Variants in RSRC1 observed in about 807,000 individuals in gnomAD.
RSRC1 encodes the protein serine/Arginine-related protein 53.
A neutral mutation model predicts 49.1 loss-of-function variants in RSRC1; 39 were observed. The observed-to-expected ratio is 0.79, with a 90% CI of 0.61 to 1.04. The LOEUF is 1.04. Ranked by LOEUF, RSRC1 falls within the 50% of genes least tolerant of loss-of-function variation. The pLI is 0.00. For missense variants in RSRC1, 388 were observed against 402.4 expected (o/e 0.96, Z 0.31); for synonymous variants, 143 against 130.8 (o/e 1.09, Z -0.63).
At chr3:158,386,570 T>G (rs978088764) in intron 6 of RSRC1, among the ~76,000 whole-genome samples, 2 of 152,034 alleles carry the variant, frequency 1.3e-5, no homozygotes, top group Non-Finnish European at 2.9e-5. Context: ...ACCAACACAC[T>G]ATTATTATGA....
chr3:158,267,927 G>C (rs1380534189), intron 4 of RSRC1, among the ~76,000 whole-genome samples: 1 of 140,548 alleles, frequency 7.1e-6, no homozygotes, highest in Non-Finnish European at 1.5e-5. Context: ...ATTCTCCTGG[G>C]GATTATTGTT....
chr3:158,537,066 C>T lies in RSRC1; in HGVS notation c.653-26C>T, dbSNP rs780484269. ...TTATTAACATGCTTACACCAAAATA[C>T]GCTGACATTATACCCTCTTTTTCAG... On this transcript the variant is annotated intron_variant, in intron 7 of 9. Transcript: ENST00000611884. The T allele has an allele frequency of 2.0e-5, 30 of 1,486,910 alleles. 1 individual carries two copies. The South Asian group carries it at 2.0e-4, about 10-fold the overall frequency. 92.1% of individuals were successfully genotyped at this position (1,486,910 alleles called of 1,614,324 possible).
intron 6 of RSRC1, among the ~76,000 whole-genome samples, chr3:158,373,321 A>G (rs1308126599): frequency 6.6e-6 from 1 of 151,930 alleles, no homozygotes; most frequent in Non-Finnish European, 1.5e-5. Context: ...CTAATGAGAA[A>G]ACATTCAGTC....
At chr3:158,482,058 T>C (rs901791504) in intron 7 of RSRC1, among the ~76,000 whole-genome samples, 2 of 152,044 alleles carry the variant, frequency 1.3e-5, no homozygotes, top group Admixed American at 1.3e-4. Context: ...AAAGGCAGTT[T>C]AATAAAGTCA....
chr3:158,316,646 G>A (rs958330189), intron 5 of RSRC1, among the ~76,000 whole-genome samples: 1 of 151,792 alleles, frequency 6.6e-6, no homozygotes, highest in African/African-American at 2.4e-5. Context: ...GGGTTTCACT[G>A]TGTTAGCCAG....
intron 6 of RSRC1, among the ~76,000 whole-genome samples, chr3:158,438,183 G>A (rs1363171278): frequency 6.6e-6 from 1 of 152,090 alleles, no homozygotes; most frequent in African/African-American, 2.4e-5. Context: ...ACAAACCAGT[G>A]GAAGAATATT....
In RSRC1 at chr3:158,542,301, C is replaced by A. The variant is rs144822667; in HGVS notation, c.760-1034C>A. ...ATCCTAGCACTTTGGGAGGCCAAGG[C>A]GGGCTGATCACTTGAGGACAGGAGT... is the stretch of plus-strand genomic sequence containing the variant. On this transcript the variant is annotated intron_variant, in intron 8 of 9. Coordinates refer to ENST00000611884, the MANE Select transcript of RSRC1 (RefSeq NM_001271838.2). Among the ~76,000 whole-genome samples, 186 of 152,196 alleles carry A rather than the reference C, an allele frequency of 1.2e-3. 5 individuals are homozygous for A. In the East Asian group the frequency reaches 0.033, roughly 27 times the overall value.
At chr3:158,315,864 TAATG>T (rs1188852016) in intron 5 of RSRC1, among the ~76,000 whole-genome samples, 1 of 152,132 alleles carries the variant, frequency 6.6e-6, no homozygotes, top group Non-Finnish European at 1.5e-5. Flanking sequence ...GTTACATTAA[TAATG>T]CAACCGAAAA....
chr3:158,349,691 CTTTTTTTTTTT>C (rs775736592), intron 5 of RSRC1, among the ~76,000 whole-genome samples: 1 of 74,852 alleles, frequency 1.3e-5, no homozygotes, highest in African/African-American at 5.6e-5. Context: ...TCTTACTGCC[CTTTTTTTTTTT>C]TTTTTTTTTT....
At chr3:158,437,854 A>C (rs536284786) in intron 6 of RSRC1, among the ~76,000 whole-genome samples, 1 of 152,160 alleles carries the variant, frequency 6.6e-6, no homozygotes, top group Non-Finnish European at 1.5e-5. Context: ...AGGGTATTCA[A>C]TTAGAAAAAG....
chr3:158,389,762 G>A (rs1289999461), intron 6 of RSRC1, among the ~76,000 whole-genome samples: 1 of 152,108 alleles, frequency 6.6e-6, no homozygotes, highest in Non-Finnish European at 1.5e-5. Flanking sequence ...ACTTACATGT[G>A]TATCTGGTAG....
chr3:158,465,878 T>G (rs1277465730), intron 7 of RSRC1, among the ~76,000 whole-genome samples: 2 of 152,178 alleles, frequency 1.3e-5, no homozygotes, highest in African/African-American at 4.8e-5. Flanking sequence ...GAAAATCTGC[T>G]TAGCCTGAAT....
In RSRC1 at chr3:158,129,093, T is replaced by G. The variant is rs531525569; in HGVS notation, c.320+5102T>G. Among the ~76,000 whole-genome samples the G allele has an allele frequency of 2.6e-5, 4 of 152,190 alleles. No homozygotes were observed. The South Asian group carries it at 8.3e-4, about 32-fold the overall frequency. ...TTGATAGATATCTTGGGAGAGATAT[T>G]TTCTAACTATAAGTATTCTGCGCAT... On this transcript the variant is annotated intron_variant, in intron 3 of 9. Transcript: ENST00000611884.
At chr3:158,418,081 A>G (rs940760248) in intron 6 of RSRC1, among the ~76,000 whole-genome samples, 1 of 151,984 alleles carries the variant, frequency 6.6e-6, no homozygotes, top group Non-Finnish European at 1.5e-5. Flanking sequence ...AAAAAGTGGT[A>G]AACACACAAG....
intron 7 of RSRC1, among the ~76,000 whole-genome samples, chr3:158,472,013 T>G (rs935837982): frequency 1.4e-4 from 22 of 152,094 alleles, no homozygotes; most frequent in Non-Finnish European, 5.9e-5. Flanking sequence ...AACAATTATT[T>G]AAAAAGCACT....
intron 3 of RSRC1, among the ~76,000 whole-genome samples, chr3:158,181,693 G>A (rs560275885): frequency 6.6e-6 from 1 of 152,062 alleles, no homozygotes; most frequent in Non-Finnish European, 1.5e-5. Flanking sequence ...GTTGGGAAGA[G>A]GAGAAAATGA....
In RSRC1 at chr3:158,370,746, C is replaced by T. The variant is rs185754144; in HGVS notation, c.583+15838C>T. 4.6e-5 allele frequency among the ~76,000 whole-genome samples: 7 copies of T among 151,742 alleles called. No homozygotes were observed. The East Asian group carries it at 7.7e-4, about 17-fold the overall frequency. On this transcript the variant is annotated intron_variant, in intron 6 of 9. Coordinates refer to ENST00000611884, the MANE Select transcript of RSRC1 (RefSeq NM_001271838.2). ...ACAAGTCTGTTGGAATACATGTTTTCGTTTATTTTGAGTTATTGCTTAGGA... is the reference window on the plus strand; with the variant it reads ...ACAAGTCTGTTGGAATACATGTTTTTGTTTATTTTGAGTTATTGCTTAGGA...
chr3:158,362,913 A>G (rs772154904), intron 6 of RSRC1, among the ~76,000 whole-genome samples: 2 of 152,246 alleles, frequency 1.3e-5, no homozygotes, highest in African/African-American at 4.8e-5. Flanking sequence ...AGCCTTCTCA[A>G]TATTTTACTT....
chr3:158,411,561 A>G (rs191770156), intron 6 of RSRC1, among the ~76,000 whole-genome samples: 2 of 151,512 alleles, frequency 1.3e-5, no homozygotes, highest in African/African-American at 4.9e-5. Context: ...AATGTCACTC[A>G]GGCTGGAGTG....
Sources: allele counts gnomAD v4.1 joint callset (sites outside exome capture counted in the v4.1 genomes callset), GRCh38; gene constraint gnomAD v4.1.1; transcripts MANE v1.5; gene names NCBI Gene and HGNC (gene_info 2026-07-23, HGNC 2026-07-21).